CDC16: variants seen among roughly 807,000 people sequenced by gnomAD.
The protein encoded by CDC16 is cell division cycle 16, also known as cell division cycle protein 16 homolog.
CDC16 carries 34 observed loss-of-function variants against 87.0 expected under a neutral mutation model. That is an observed-to-expected ratio of 0.39 (90% CI 0.30 to 0.52). CDC16 has a LOEUF of 0.52. Ranked by LOEUF, CDC16 falls within the 20% of genes least tolerant of loss-of-function variation. The pLI is 0.74. For synonymous variants in CDC16, 263 were observed against 260.6 expected (o/e 1.01, Z -0.09); for missense variants, 653 against 751.9 (o/e 0.87, Z 1.54).
chr13:114,235,932 G>A (rs954353092), intron 1 of CDC16, among the ~76,000 whole-genome samples: 3 of 152,302 alleles, frequency 2.0e-5, no homozygotes, highest in Admixed American at 6.5e-5. Flanking sequence ...CAGAGACACC[G>A]GTATTGAGCA....
chr13:114,247,075 T>C, intron 11 of CDC16, 71 bp downstream of exon 11: 1 of 903,606 alleles, frequency 1.1e-6, no homozygotes, highest in Admixed American at 1.9e-5. Flanking sequence ...TTTCAAGTAG[T>C]AATTAGTGAG....
chr13:114,271,535 C>T (rs187131481), intron 17 of CDC16, among the ~76,000 whole-genome samples: 1 of 151,920 alleles, frequency 6.6e-6, no homozygotes, highest in African/African-American at 2.4e-5. Flanking sequence ...AGTGCAGTGG[C>T]ACTATCTCGG....
intron 3 of CDC16, among the ~76,000 whole-genome samples, chr13:114,238,706 A>G (rs2081385277): frequency 6.6e-6 from 1 of 152,148 alleles, no homozygotes; most frequent in Admixed American, 6.5e-5. Flanking sequence ...CACCTGGTTG[A>G]TGCTTTCTGT....
chr13:114,240,545 A>G (rs1475979461), intron 5 of CDC16, among the ~76,000 whole-genome samples: 1 of 152,026 alleles, frequency 6.6e-6, no homozygotes, highest in South Asian at 2.1e-4. Context: ...TTTTGTAGAG[A>G]CAGGGTCTCA....
intron 12 of CDC16, among the ~76,000 whole-genome samples, chr13:114,252,091 G>A (rs2082218916): frequency 6.6e-6 from 1 of 151,218 alleles, no homozygotes; most frequent in Non-Finnish European, 1.5e-5. Flanking sequence ...TAGCCCTGTT[G>A]GATAAGAGCC....
chr13:114,265,290 T>C, intron 17 of CDC16, 50 bp downstream of exon 17: 1 of 1,128,810 alleles, frequency 8.9e-7, no homozygotes, highest in East Asian at 2.4e-5. Flanking sequence ...TTTTAGGTTG[T>C]CATATGTCTC....
chr13:114,252,826 A>C (rs1594616505), intron 12 of CDC16, among the ~76,000 whole-genome samples: 1 of 152,316 alleles, frequency 6.6e-6, no homozygotes, highest in East Asian at 1.9e-4. Context: ...AAATCTAACA[A>C]ACTTTGTCAT....
At chr13:114,250,818 A>C in intron 12 of CDC16, 144 bp downstream of exon 12, 6 of 829,484 alleles carry the variant, frequency 7.2e-6, no homozygotes, top group Non-Finnish European at 1.1e-5. Flanking sequence ...TTGTGATTGT[A>C]AAATAACTAT....
In CDC16 at chr13:114,261,886, G is replaced by A. The variant is rs2082882507; in HGVS notation, c.1315-1G>A. The A allele has an allele frequency of 6.3e-7, 1 of 1,600,000 alleles. No individual in the cohort carries two copies. Among genetic ancestry groups the A allele is most frequent in the African/African-American group, 1.3e-5 (1 of 74,150 alleles). On this transcript the variant is annotated splice_acceptor_variant, in intron 14 of 17. Coordinates refer to ENST00000356221, the MANE Select transcript of CDC16 (RefSeq NM_001078645.3). LOFTEE classifies it high-confidence loss of function. ...GTGGGCTTGATGTTGCTATGTTTTA[G>A]GTAACAGTTGACAAATGGGAACCTT... is the stretch of plus-strand genomic sequence containing the variant.
intron 14 of CDC16, among the ~76,000 whole-genome samples, chr13:114,259,730 A>G (rs1345163324): frequency 6.6e-6 from 1 of 152,242 alleles, no homozygotes; most frequent in Admixed American, 6.5e-5. Context: ...GTCAGATGTA[A>G]TATTCCTCTA....
chr13:114,246,039 C>A lies in CDC16; in HGVS notation c.887C>A (p.Pro296His). 6.9e-7 allele frequency: 1 copy of A among 1,457,288 alleles called. No homozygotes were observed. The highest frequency in any genetic ancestry group is 1.4e-5 in the African/African-American group (1 of 69,844). 90.3% of individuals were successfully genotyped at this position (1,457,288 alleles called of 1,614,324 possible). ...TCTCATAAACTGGTGGATTTATATC[C>A]TAGTAATCCTGTAAGTAATATAACT... is the stretch of plus-strand genomic sequence containing the variant. ...YLSHKLVDLY[P>H]SNPVSWFAVG... is the part of the protein sequence containing the mutation. Residue 296 changes from proline to histidine, a missense_variant, in exon 10 of 18, where the codon CCT (proline) becomes CAT (histidine). Pro to His is a moderately conservative substitution (Grantham distance 77, BLOSUM62 -2). Coordinates refer to ENST00000356221, the MANE Select transcript of CDC16 (RefSeq NM_001078645.3).
At chr13:114,240,108 A>G (rs903208262) in intron 5 of CDC16, among the ~76,000 whole-genome samples, 1 of 152,162 alleles carries the variant, frequency 6.6e-6, no homozygotes, top group African/African-American at 2.4e-5. Context: ...GTATTCACAG[A>G]GCTTTGCAAA....
chr13:114,265,034 C>G, intron 16 of CDC16, 116 bp from the exon 17 acceptor site: 1 of 750,434 alleles, frequency 1.3e-6, no homozygotes, highest in East Asian at 2.5e-5. Flanking sequence ...AGTCATGTAG[C>G]TATGTCTGGC....
At chr13:114,246,172 C>G in intron 10 of CDC16, 123 bp downstream of exon 10, 1 of 538,438 alleles carries the variant, frequency 1.9e-6, no homozygotes, top group South Asian at 2.6e-5. Flanking sequence ...AGTGTTGCAA[C>G]AGAATCTCCT....
intron 3 of CDC16, among the ~76,000 whole-genome samples, chr13:114,238,158 G>T (rs955205224): frequency 2.0e-5 from 3 of 151,344 alleles, no homozygotes; most frequent in Admixed American, 6.6e-5. Flanking sequence ...AGTGCCTGAA[G>T]TGGAGCTGCT....
At chr13:114,264,877 G>C (rs536833652) in intron 16 of CDC16, 1 of 304,670 alleles carries the variant, frequency 3.3e-6, no homozygotes, top group Admixed American at 4.1e-5. Flanking sequence ...CAAAGTGCTG[G>C]GATTACAGGC....
intron 13 of CDC16, 35 bp downstream of exon 13, chr13:114,257,265 C>G: frequency 6.6e-7 from 1 of 1,510,604 alleles, no homozygotes; most frequent in Non-Finnish European, 9.0e-7. Flanking sequence ...CTTCTGTTAA[C>G]TAGTGATTGT....
intron 12 of CDC16, among the ~76,000 whole-genome samples, chr13:114,251,975 GCCCTGTTGGATAAGAGCCCTACACTAA>G (rs1566659271): frequency 2.0e-5 from 3 of 147,414 alleles, no homozygotes; most frequent in African/African-American, 2.6e-5. Context: ...CCCTACACTA[GCCCTGTTGGATAAGAGCCCTACACTAA>G]CCCTGTTGGA....
At chr13:114,266,778 C>T (rs2139176901) in intron 17 of CDC16, among the ~76,000 whole-genome samples, 1 of 152,082 alleles carries the variant, frequency 6.6e-6, no homozygotes, top group East Asian at 1.9e-4. Context: ...ACTGCAAGCT[C>T]CCCCTCACCG....
Sources: gnomAD v4.1 joint callset for allele counts (sites outside exome capture counted in the v4.1 genomes callset) on GRCh38, gnomAD v4.1.1 for gene constraint, MANE v1.5 for transcripts, NCBI Gene and HGNC (gene_info 2026-07-23, HGNC 2026-07-21) for gene names.